Variants in PRDM16 observed in about 807,000 individuals in gnomAD.
PRDM16 encodes the protein PR/SET domain 16.
A neutral mutation model predicts 110.6 loss-of-function variants in PRDM16; 23 were observed. The ratio of observed to expected loss-of-function variants is 0.21; its 90% CI spans 0.15 to 0.29. The LOEUF (loss-of-function observed/expected upper bound fraction) is 0.29, where lower values mean the gene tolerates loss of function less well. Among genes scored for constraint, PRDM16 ranks in the 10% least tolerant of loss-of-function variants. The pLI, the probability that PRDM16 is intolerant of heterozygous loss-of-function variation, is 1.00. For missense variants in PRDM16, 1,615 were observed against 1,794.3 expected, an observed-to-expected ratio of 0.90 and a Z score of 1.81; for synonymous variants, 799 against 781.8, an observed-to-expected ratio of 1.02 and a Z score of -0.37.
intron 3 of PRDM16, among the ~76,000 whole-genome samples, chr1:3,365,797 C>G (rs558017957): frequency 1.3e-5 from 2 of 152,198 alleles, no homozygotes; most frequent in Non-Finnish European, 2.9e-5. Flanking sequence ...TAATCAGAGC[C>G]GTTTGGAGGA....
Position 3,425,141 on chromosome 1 carries a change from G to A in PRDM16, c.2940-440G>A, listed in dbSNP as rs574106058. 1 of 151,264 alleles carries A rather than the reference G, an allele frequency of 6.6e-6. No individual in the cohort carries two copies. The highest frequency in any genetic ancestry group is 2.5e-5 in the African/African-American group (1 of 40,310). The allele number at this position is 151,264 out of a possible 1,614,324, so 9.4% of individuals were successfully genotyped here. A position where few individuals can be genotyped will look rare whatever the true frequency, so the allele number is the denominator to read the frequency against. ...CGCCCAGGCTGGAGTGCGGTGGCGT[G>A]ATCTTGGCTCACTGCAAGCTCCGCC... On this transcript the variant is annotated intron_variant, in intron 12 of 16. Transcript: ENST00000270722. This position sits in a 1 kb window ranked among gnomAD's most constrained non-coding sequence, Gnocchi z 6.9.
rs534283311 is a variant in PRDM16 at position 3,118,768 on chromosome 1, C to A, written c.37+49472C>A. ...AGTCCAGGGAGACCCCAGCTGCTGG[C>A]GTGCTAGGGCGTGCGTGTACACGTT... is the stretch of plus-strand genomic sequence containing the variant. On this transcript the variant is annotated intron_variant, in intron 1 of 16. Transcript: ENST00000270722. Among the ~76,000 whole-genome samples the A allele has an allele frequency of 5.9e-5, 9 of 152,238 alleles. No homozygotes were observed. The South Asian group carries it at 1.9e-3, about 32-fold the overall frequency.
At chr1:3,261,881 C>T (rs571032034) in intron 3 of PRDM16, among the ~76,000 whole-genome samples, 1 of 152,312 alleles carries the variant, frequency 6.6e-6, no homozygotes, top group East Asian at 1.9e-4. Flanking sequence ...CTGTGCAGCT[C>T]CTGGTCCCAT....
chr1:3,428,734 C>T (rs1459604549), intron 14 of PRDM16, among the ~76,000 whole-genome samples: 1 of 152,206 alleles, frequency 6.6e-6, no homozygotes, highest in Non-Finnish European at 1.5e-5. Flanking sequence ...CCCGTGAACC[C>T]CTGAGTTGAA....
Position 3,186,567 on chromosome 1 carries a change from C to T in PRDM16, c.387+93C>T, listed in dbSNP as rs146731981. The T allele has an allele frequency of 6.1e-5, 48 of 781,576 alleles. 1 individual carries two copies. The East Asian group carries it at 1.1e-3, about 18-fold the overall frequency. The allele number at this position is 781,576 out of a possible 1,614,324, so 48.4% of individuals were successfully genotyped here. A position where few individuals can be genotyped will look rare whatever the true frequency, so the allele number is the denominator to read the frequency against. On this transcript the variant is annotated intron_variant, in intron 2 of 16. Transcript: ENST00000270722. ...CGGGCTGAGCAGCCACTGCCCGAGG[C>T]GGGAGGCGCGGCCAGAGAGAGCGTT... is the stretch of plus-strand genomic sequence containing the variant.
At position 3,425,668 on chromosome 1, in the gene PRDM16, G is replaced by C; in HGVS notation, c.3027G>C (p.Lys1009Asn). The stretch of plus-strand genomic sequence containing the variant: ...TCCACAACAAGGAGAAGCCTTTCAA[G>C]TGCCACCTGTGCAACCGCTGCTTCG... ...RNIHNKEKPF[K>N]CHLCNRCFGQ... The change falls in exon 13 of 17, where the codon AAG becomes AAC. Residue 1009 changes from lysine (K) to asparagine (N), a missense_variant. Physicochemically the swap from Lys to Asn is moderately conservative, Grantham distance 94. Transcript: ENST00000270722. The surrounding 1 kb of genome is among the most constrained non-coding windows in gnomAD (Gnocchi z 6.9). The C allele has an allele frequency of 6.2e-7, 1 of 1,613,966 alleles. No homozygotes were observed. Among genetic ancestry groups the C allele is most frequent in the Non-Finnish European group, 8.5e-7 (1 of 1,179,958 alleles).
intron 1 of PRDM16, among the ~76,000 whole-genome samples, chr1:3,100,524 C>T (rs747735778): frequency 6.6e-6 from 1 of 152,094 alleles, no homozygotes; most frequent in African/African-American, 2.4e-5. Context: ...CCTCAGTGGA[C>T]GGGGCCTCTG....
chr1:3,331,614 G>A (rs1270704179), intron 3 of PRDM16, among the ~76,000 whole-genome samples: 4 of 152,286 alleles, frequency 2.6e-5, no homozygotes, highest in Middle Eastern at 3.4e-3. Context: ...AAACACATTC[G>A]TCCAAATCCT....
At chr1:3,329,957 A>G (rs1003762522) in intron 3 of PRDM16, among the ~76,000 whole-genome samples, 2 of 152,226 alleles carry the variant, frequency 1.3e-5, no homozygotes, top group African/African-American at 4.8e-5. Flanking sequence ...GGGAAAGGAC[A>G]GTTGTCTCTG....
Position 3,358,995 on chromosome 1 carries a change from G to T in PRDM16, c.439-26157G>T, listed in dbSNP as rs1021245405. Among the ~76,000 whole-genome samples the T allele has an allele frequency of 3.3e-5, 5 of 152,204 alleles. No homozygotes were observed. The highest frequency in any genetic ancestry group is 5.9e-5 in the Non-Finnish European group (4 of 68,044). On this transcript the variant is annotated intron_variant, in intron 3 of 16. Transcript: ENST00000270722. The surrounding 1 kb of genome is among the most constrained non-coding windows in gnomAD (Gnocchi z 4.0). ...TGTTGTCATCTTGGGTCGCATTACA[G>T]CCAGTTGACTCGCGGAGTCCTCACT...
At chr1:3,291,729 A>C (rs929351467) in intron 3 of PRDM16, among the ~76,000 whole-genome samples, 1 of 152,262 alleles carries the variant, frequency 6.6e-6, no homozygotes, top group Non-Finnish European at 1.5e-5. Flanking sequence ...TAGAAATGCA[A>C]GTCCCCTGAA....
intron 2 of PRDM16, among the ~76,000 whole-genome samples, chr1:3,238,346 T>G (rs2100901422): frequency 6.6e-6 from 1 of 152,164 alleles, no homozygotes; most frequent in East Asian, 1.9e-4. Context: ...CGTACTTGAC[T>G]GTGTAAATAT....
intron 2 of PRDM16, among the ~76,000 whole-genome samples, chr1:3,234,594 G>A (rs1036978669): frequency 2.6e-5 from 4 of 152,168 alleles, no homozygotes; most frequent in African/African-American, 7.2e-5. Context: ...GAGCCACCCC[G>A]AGCACAGGGC....
chr1:3,219,767 C>T (rs1639110979), intron 2 of PRDM16, among the ~76,000 whole-genome samples: 1 of 152,214 alleles, frequency 6.6e-6, no homozygotes, highest in African/African-American at 2.4e-5. Context: ...TCTGTAACCG[C>T]CCGCCTGCCC....
intron 2 of PRDM16, among the ~76,000 whole-genome samples, chr1:3,200,187 C>T (rs192617379): frequency 2.6e-5 from 4 of 152,316 alleles, no homozygotes; most frequent in Admixed American, 2.0e-4. Flanking sequence ...TCCTCACAGC[C>T]GCTGAGTCAA....
chr1:3,180,547 G>T (rs72630981), intron 1 of PRDM16, among the ~76,000 whole-genome samples: 1 of 152,014 alleles, frequency 6.6e-6, no homozygotes, highest in African/African-American at 2.4e-5. Context: ...CACAGGGCCC[G>T]AGGGCCGCAA....
intron 1 of PRDM16, among the ~76,000 whole-genome samples, chr1:3,151,013 TGGG>T (rs1229574388): frequency 1.8e-5 from 1 of 54,162 alleles, no homozygotes; most frequent in Admixed American, 2.2e-4. Flanking sequence ...GCTATGGAAA[TGGG>T]GGGCTGGTCC....
intron 3 of PRDM16, among the ~76,000 whole-genome samples, chr1:3,373,911 C>T (rs1642950113): frequency 6.6e-6 from 1 of 152,256 alleles, no homozygotes. Context: ...GTCCTGGCTG[C>T]TGGTGTTGAC....
intron 3 of PRDM16, among the ~76,000 whole-genome samples, chr1:3,263,440 G>A (rs1049429511): frequency 6.6e-6 from 1 of 152,212 alleles, no homozygotes; most frequent in African/African-American, 2.4e-5. Context: ...AACCCTGGGG[G>A]GCCTAACCCT....
Sources: allele counts gnomAD v4.1 joint callset (sites outside exome capture counted in the v4.1 genomes callset), GRCh38; gene constraint gnomAD v4.1.1; non-coding constraint Gnocchi (gnomAD v3.1); transcripts MANE v1.5; gene names NCBI Gene and HGNC (gene_info 2026-07-23, HGNC 2026-07-21).